NBPF9: variants seen among roughly 807,000 people sequenced by gnomAD.
NBPF9 encodes the protein NBPF family member NBPF9.
In NBPF9, 91 loss-of-function variants were observed where a neutral mutation model predicts 97.8. The ratio of observed to expected loss-of-function variants is 0.93; its 90% CI spans 0.79 to 1.11. The LOEUF (loss-of-function observed/expected upper bound fraction) is 1.11, where lower values mean the gene tolerates loss of function less well. NBPF9 is among the 50% of genes least tolerant of loss of function. NBPF9 has a pLI of 0.00. For missense variants in NBPF9, 992 were observed against 939.5 expected (o/e 1.06, Z -0.73); for synonymous variants, 334 against 359.5 (o/e 0.93, Z 0.80).
exon 19 of NBPF9, chr1:149,064,472 C>G (rs1456124489): frequency 6.8e-7 from 1 of 1,473,244 alleles, no homozygotes; most frequent in Admixed American, 1.7e-5. Context: ...TCACTTGATC[C>G]CACCGATGTC....
intron 5 of NBPF9, chr1:149,090,173 T>G (rs2081325260): frequency 6.6e-6 from 1 of 150,800 alleles, no homozygotes; most frequent in African/African-American, 2.5e-5. Flanking sequence ...CTATCTCCCC[T>G]GTAGGTTGAA....
intron 13 of NBPF9, among the ~76,000 whole-genome samples, 160 bp downstream of exon 13, chr1:149,073,608 C>A (rs1438331481): frequency 1.3e-5 from 2 of 150,138 alleles, no homozygotes; most frequent in Admixed American, 6.7e-5. Flanking sequence ...TTTTATTATC[C>A]TTCTTCTCTG....
intron 16 of NBPF9, among the ~76,000 whole-genome samples, chr1:149,070,654 T>C (rs1485574263): frequency 3.3e-5 from 5 of 151,760 alleles, no homozygotes; most frequent in African/African-American, 9.7e-5. Flanking sequence ...CAAGAGATAC[T>C]GAATCGAAGC....
chr1:149,072,668 C>T lies in NBPF9; in HGVS notation c.1306+50G>A, dbSNP rs587747838. 280 of 1,582,684 alleles carry T rather than the reference C, an allele frequency of 1.8e-4. No homozygotes were observed. The African/African-American group carries it at 2.9e-3, about 16-fold the overall frequency. On this transcript the variant is annotated intron_variant, in intron 14 of 29. Coordinates refer to ENST00000584027, the Ensembl canonical transcript of NBPF9. ...ATTGTGAAAGTATGGAGGTCTGGAG[C>T]CTCTCATAAGCCTGGGGTTTTGGGT...
intron 18 of NBPF9, chr1:149,064,722 C>G (rs587701660): frequency 1.6e-6 from 1 of 618,480 alleles, no homozygotes; most frequent in South Asian, 1.9e-5. Flanking sequence ...TGTGCTCTGT[C>G]CTAGGTTTAT....
exon 30 of NBPF9, chr1:149,055,569 C>T (rs1173851427): frequency 1.9e-6 from 3 of 1,563,964 alleles, no homozygotes; most frequent in Non-Finnish European, 1.7e-6. Context: ...TCTGGGCTTC[C>T]AAATGGAACT....
At chr1:149,059,712 G>C in exon 25 of NBPF9, 1 of 572,824 alleles carries the variant, frequency 1.7e-6, no homozygotes, top group Non-Finnish European at 3.1e-6. Context: ...GGGGCATGGT[G>C]GGTTTTGATT....
At chr1:149,088,717 T>C (rs2081208734) in intron 5 of NBPF9, among the ~76,000 whole-genome samples, 1 of 151,952 alleles carries the variant, frequency 6.6e-6, no homozygotes, top group Non-Finnish European at 1.5e-5. Context: ...TAAAATGATA[T>C]TTTTTAAATA....
chr1:149,058,834 C>T, intron 26 of NBPF9, 91 bp downstream of exon 26: 2 of 712,342 alleles, frequency 2.8e-6, no homozygotes, highest in Non-Finnish European at 5.2e-6. Flanking sequence ...AATGACATCT[C>T]TCAGGTCAGT....
In NBPF9 at chr1:149,077,861, G is replaced by A. The variant is rs782630556; in HGVS notation, c.566+22C>T. The A allele has an allele frequency of 3.5e-5, 56 of 1,586,416 alleles. No homozygotes were observed. In the South Asian group the frequency reaches 5.6e-4, roughly 16 times the overall value. On this transcript the variant is annotated intron_variant, in intron 10 of 29. Transcript: ENST00000584027. Reference sequence around the variant, plus strand: ...CTTCATATGTTACCACCCATTACTTGCTCCTGAGTATTCAGTGTTACCTGG... The same window carrying A: ...CTTCATATGTTACCACCCATTACTTACTCCTGAGTATTCAGTGTTACCTGG...
chr1:149,055,615 C>T (rs782454714), exon 30 of NBPF9: 4 of 1,611,382 alleles, frequency 2.5e-6, no homozygotes, highest in South Asian at 1.1e-5. Context: ...CCTATAGGTC[C>T]TGCCTGCAGG....
intron 29 of NBPF9, among the ~76,000 whole-genome samples, 155 bp from the exon 30 acceptor site, chr1:149,056,054 G>A (rs1467716383): frequency 1.3e-5 from 2 of 152,164 alleles, no homozygotes; most frequent in Non-Finnish European, 1.5e-5. Context: ...CTTTATGTTG[G>A]GATAGAACAG....
exon 10 of NBPF9, chr1:149,077,940 T>A: frequency 6.5e-7 from 1 of 1,537,610 alleles, no homozygotes; most frequent in Non-Finnish European, 9.0e-7. Flanking sequence ...ATCTTCATCC[T>A]CATCTTCGTC....
intron 9 of NBPF9, 61 bp downstream of exon 9, chr1:149,078,946 G>C: frequency 1.4e-6 from 2 of 1,460,530 alleles, no homozygotes; most frequent in Non-Finnish European, 1.9e-6. Flanking sequence ...TGAAAGTATG[G>C]AGGTCTGGAG....
chr1:149,086,434 T>TG (rs1340013407), intron 5 of NBPF9, among the ~76,000 whole-genome samples: 3 of 148,474 alleles, frequency 2.0e-5, no homozygotes, highest in African/African-American at 7.4e-5. Flanking sequence ...CGAGTTTTAT[T>TG]GGGGGTCTGA....
intron 12 of NBPF9, among the ~76,000 whole-genome samples, chr1:149,075,449 C>T (rs587594216): frequency 4.2e-3 from 642 of 152,194 alleles, no homozygotes; most frequent in African/African-American, 0.014. Context: ...CTAGTCCCAC[C>T]CCCACCTGAT....
intron 17 of NBPF9, among the ~76,000 whole-genome samples, chr1:149,068,896 T>C (rs2079194918): frequency 6.6e-6 from 1 of 150,846 alleles, no homozygotes; most frequent in Non-Finnish European, 1.5e-5. Context: ...CGTCAGCAAA[T>C]GTAAAAGAAT....
rs2079623814 is a variant in NBPF9, at chr1:149,073,872, T to C, written c.989-2A>G. ...TGAGGTCTTTACACTCTTCATACTCTGAGAAAAGACAGACACGCCTGCCTC... is the reference window on the plus strand; with the variant it reads ...TGAGGTCTTTACACTCTTCATACTCCGAGAAAAGACAGACACGCCTGCCTC... On this transcript the variant is annotated splice_acceptor_variant, in intron 12 of 29. Coordinates refer to ENST00000584027, the Ensembl canonical transcript of NBPF9. LOFTEE classifies it high-confidence loss of function. The C allele has an allele frequency of 2.1e-6, 3 of 1,437,864 alleles. 1 individual carries two copies. Among genetic ancestry groups the C allele is most frequent in the Non-Finnish European group, 2.9e-6 (3 of 1,031,890 alleles). 89.1% of individuals were successfully genotyped at this position (1,437,864 alleles called of 1,614,324 possible). A position where few individuals can be genotyped will look rare whatever the true frequency, so the allele number is the denominator to read the frequency against.
exon 22 of NBPF9, chr1:149,062,194 G>A: frequency 1.0e-6 from 1 of 1,001,370 alleles, no homozygotes; most frequent in Non-Finnish European, 1.6e-6. Flanking sequence ...ACCTGAAGGA[G>A]TCGAATACCA....
Sources: allele counts gnomAD v4.1 joint callset (sites outside exome capture counted in the v4.1 genomes callset), GRCh38; gene constraint gnomAD v4.1.1; transcripts MANE v1.5; gene names NCBI Gene and HGNC (gene_info 2026-07-23, HGNC 2026-07-21).